Variants in DDAH1 observed in about 807,000 individuals in gnomAD.
DDAH1 encodes the protein N(G),N(G)-dimethylarginine dimethylaminohydrolase 1.
Under a neutral mutation model 28.8 loss-of-function variants are expected in DDAH1, and 19 were observed. The ratio of observed to expected loss-of-function variants is 0.66; its 90% CI spans 0.46 to 0.97. The LOEUF (loss-of-function observed/expected upper bound fraction) is 0.97, where lower values mean the gene tolerates loss of function less well. Among genes scored for constraint, DDAH1 ranks in the 50% least tolerant of loss-of-function variants. The pLI, the probability that DDAH1 is intolerant of heterozygous loss-of-function variation, is 0.00. For missense variants in DDAH1, 326 were observed against 375.9 expected, an observed-to-expected ratio of 0.87 and a Z score of 1.10; for synonymous variants, 153 against 154.4, an observed-to-expected ratio of 0.99 and a Z score of 0.07.
At chr1:85,483,980 T>C (rs1656105048) in intron 2 of DDAH1, among the ~76,000 whole-genome samples, 1 of 152,186 alleles carries the variant, frequency 6.6e-6, no homozygotes. Context: ...TGGGGTTGTT[T>C]TAACCCCAGG....
intron 1 of DDAH1, among the ~76,000 whole-genome samples, chr1:85,541,798 CA>C (rs1658479760): frequency 6.6e-6 from 1 of 152,156 alleles, no homozygotes; most frequent in Non-Finnish European, 1.5e-5. Context: ...AAAGAGACCT[CA>C]GAGAGCTCCT....
At chr1:85,480,754 A>T (rs970122565) in intron 2 of DDAH1, among the ~76,000 whole-genome samples, 101 of 152,140 alleles carry the variant, frequency 6.6e-4, no homozygotes, top group African/African-American at 2.3e-3. Context: ...AAAAATAAAT[A>T]AATAAATTAA....
chr1:85,368,205 A>C lies in DDAH1; in HGVS notation c.304-9358T>G, dbSNP rs74098808. On this transcript the variant is annotated intron_variant, in intron 1 of 5. Coordinates refer to ENST00000284031, the MANE Select transcript of DDAH1 (RefSeq NM_012137.4). ...TTAGTTTATAAAGCACAATTGTTGC[A>C]GCTCTGTATATCAGAGCTGGAATTA... is the stretch of plus-strand genomic sequence containing the variant. Among the ~76,000 whole-genome samples the C allele has an allele frequency of 6.7e-3, 1,022 of 152,340 alleles. 11 individuals are homozygous for C. Among genetic ancestry groups the C allele is most frequent in the African/African-American group, 0.023 (968 of 41,586 alleles).
intron 1 of DDAH1, among the ~76,000 whole-genome samples, chr1:85,549,236 T>G (rs151283458): frequency 6.1e-4 from 93 of 152,342 alleles, no homozygotes; most frequent in African/African-American, 1.9e-3. Flanking sequence ...GAATAAACTT[T>G]TTATTACACT....
intron 2 of DDAH1, among the ~76,000 whole-genome samples, chr1:85,474,499 C>T (rs1655727768): frequency 6.6e-6 from 1 of 152,104 alleles, no homozygotes; most frequent in Admixed American, 6.5e-5. Context: ...GTGTGTGGCC[C>T]CATCCCTGCT....
intron 1 of DDAH1, among the ~76,000 whole-genome samples, chr1:85,568,790 T>C (rs985675413): frequency 1.2e-4 from 18 of 152,222 alleles, no homozygotes; most frequent in African/African-American, 4.3e-4. Flanking sequence ...CCAAGCTTTA[T>C]GGAGGAAGCT....
At chr1:85,534,317 C>T (rs533850615) in intron 1 of DDAH1, among the ~76,000 whole-genome samples, 272 of 152,142 alleles carry the variant, frequency 1.8e-3, no homozygotes, top group African/African-American at 6.2e-3. Context: ...AGAACTCTAA[C>T]TTGAAGTGAC....
intron 1 of DDAH1, among the ~76,000 whole-genome samples, chr1:85,439,052 T>C (rs1467865667): frequency 1.3e-5 from 2 of 152,350 alleles, no homozygotes; most frequent in Admixed American, 6.5e-5. Flanking sequence ...ACTGTGATAA[T>C]ATCAAATTCA....
At chr1:85,547,532 C>T (rs1658663543) in intron 1 of DDAH1, among the ~76,000 whole-genome samples, 1 of 152,146 alleles carries the variant, frequency 6.6e-6, no homozygotes, top group African/African-American at 2.4e-5. Context: ...TTGTCCTTTG[C>T]CGAACATCAA....
intron 2 of DDAH1, among the ~76,000 whole-genome samples, chr1:85,482,974 C>T (rs1656061113): frequency 6.6e-6 from 1 of 152,058 alleles, no homozygotes; most frequent in South Asian, 2.1e-4. Flanking sequence ...CCTGTAATCC[C>T]AACACTTTGG....
upstream of DDAH1, among the ~76,000 whole-genome samples, chr1:85,465,953 C>A (rs570121918): frequency 3.9e-5 from 6 of 152,338 alleles, no homozygotes; most frequent in South Asian, 1.2e-3. Context: ...CCAGCACAGA[C>A]TACAGCAGCA....
intron 1 of DDAH1, among the ~76,000 whole-genome samples, chr1:85,463,806 G>A (rs1376326581): frequency 2.6e-5 from 4 of 152,194 alleles, no homozygotes; most frequent in African/African-American, 9.7e-5. Context: ...GATGCCAATA[G>A]CAACGGAGTC....
chr1:85,436,901 C>T (rs1653968166), intron 1 of DDAH1, among the ~76,000 whole-genome samples: 2 of 152,178 alleles, frequency 1.3e-5, no homozygotes, highest in South Asian at 4.1e-4. Flanking sequence ...ACTACTCAAG[C>T]AAGGTTCACA....
chr1:85,530,298 T>C (rs1243592955), intron 1 of DDAH1, among the ~76,000 whole-genome samples: 1 of 152,220 alleles, frequency 6.6e-6, no homozygotes, highest in Non-Finnish European at 1.5e-5. Flanking sequence ...CCTTCAGGTA[T>C]TTGGAAGGAG....
intron 5 of DDAH1, among the ~76,000 whole-genome samples, chr1:85,322,419 T>C (rs1661388290): frequency 6.6e-6 from 1 of 152,246 alleles, no homozygotes; most frequent in African/African-American, 2.4e-5. Flanking sequence ...AGTTCATAGA[T>C]TGTTCTGTGA....
At chr1:85,399,545 C>T (rs924102488) in intron 1 of DDAH1, 1 of 152,208 alleles carries the variant, frequency 6.6e-6, no homozygotes, top group African/African-American at 2.4e-5. Flanking sequence ...GCATTAGGCC[C>T]CAACAGATTT....
intron 2 of DDAH1, among the ~76,000 whole-genome samples, chr1:85,481,664 A>G (rs1188149350): frequency 1.3e-5 from 2 of 152,202 alleles, no homozygotes; most frequent in African/African-American, 4.8e-5. Context: ...CATGAACAGT[A>G]CTTTTCTTCC....
At chr1:85,391,985 T>A (rs997280206) in intron 1 of DDAH1, among the ~76,000 whole-genome samples, 2 of 152,138 alleles carry the variant, frequency 1.3e-5, no homozygotes, top group Admixed American at 1.3e-4. Flanking sequence ...CTACTTTATC[T>A]ATTTATTTTT....
upstream of DDAH1, among the ~76,000 whole-genome samples, chr1:85,466,238 G>T (rs1208186484): frequency 6.6e-5 from 10 of 152,050 alleles, no homozygotes; most frequent in African/African-American, 2.4e-4. Context: ...CATTTGAGGA[G>T]TTTTTTTTGT....
Sources: allele counts gnomAD v4.1 joint callset (sites outside exome capture counted in the v4.1 genomes callset), GRCh38; gene constraint gnomAD v4.1.1; transcripts MANE v1.5; gene names NCBI Gene and HGNC (gene_info 2026-07-23, HGNC 2026-07-21).